Variants in NAV1 observed in about 807,000 individuals in gnomAD.
NAV1 encodes the protein pore membrane and/or filament interacting like protein 3.
Under a neutral mutation model 175.2 loss-of-function variants are expected in NAV1, and 18 were observed. That is an observed-to-expected ratio of 0.10 (90% CI 0.07 to 0.15). NAV1 has a LOEUF of 0.15. Among genes scored for constraint, NAV1 ranks in the 10% least tolerant of loss-of-function variants. The pLI is 1.00. For missense variants in NAV1, 1,731 were observed against 2,436.6 expected (o/e 0.71, Z 6.10); for synonymous variants, 897 against 978.7 (o/e 0.92, Z 1.56).
chr1:201,608,822 G>C (rs1241325140), intron 2 of NAV1, among the ~76,000 whole-genome samples: 1 of 152,224 alleles, frequency 6.6e-6, no homozygotes, highest in Admixed American at 6.5e-5. Context: ...CCACACGAAT[G>C]TGCTGCTGCC....
intron 1 of NAV1, among the ~76,000 whole-genome samples, chr1:201,540,079 G>T (rs12048966): frequency 2.0e-5 from 3 of 152,172 alleles, no homozygotes; most frequent in African/African-American, 4.8e-5. Flanking sequence ...ATAAAAACTG[G>T]TCATAGGATA....
At chr1:201,587,242 T>C (rs657888) in intron 1 of NAV1, among the ~76,000 whole-genome samples, 7,328 of 151,698 alleles carry the variant, frequency 0.048, 417 homozygotes, top group East Asian at 0.16. Flanking sequence ...ATAAGCTTTA[T>C]GTTATGTGTA....
intron 1 of NAV1, among the ~76,000 whole-genome samples, chr1:201,561,817 C>G (rs1027556836): frequency 1.3e-5 from 2 of 152,198 alleles, no homozygotes; most frequent in African/African-American, 4.8e-5. Flanking sequence ...AGCCTGGGAA[C>G]TCCCTGCAGG....
chr1:201,607,871 TG>T (rs1253829380), intron 2 of NAV1, among the ~76,000 whole-genome samples: 11 of 2,284 alleles, frequency 4.8e-3, no homozygotes, highest in African/African-American at 0.011. Context: ...ATAACTTTAT[TG>T]TGTGTGTGTG....
chr1:201,549,497 A>T (rs1004992085), intron 1 of NAV1, among the ~76,000 whole-genome samples: 2 of 152,208 alleles, frequency 1.3e-5, no homozygotes, highest in African/African-American at 4.8e-5. Context: ...GCATGCGCCA[A>T]CGCGCCTGGC....
At chr1:201,630,346 C>T (rs903065607) in intron 2 of NAV1, among the ~76,000 whole-genome samples, 1 of 152,226 alleles carries the variant, frequency 6.6e-6, no homozygotes, top group Non-Finnish European at 1.5e-5. Flanking sequence ...TAATAAATTT[C>T]CTTTTCACAA....
At chr1:201,725,983 A>G (rs975382827) in intron 3 of NAV1, among the ~76,000 whole-genome samples, 1 of 152,248 alleles carries the variant, frequency 6.6e-6, no homozygotes, top group Admixed American at 6.5e-5. Flanking sequence ...AAAAATTAAA[A>G]TAAAATAGAA....
At chr1:201,652,580 G>A (rs1386155862) in intron 1 of NAV1, among the ~76,000 whole-genome samples, 3 of 152,238 alleles carry the variant, frequency 2.0e-5, no homozygotes, top group African/African-American at 7.2e-5. Flanking sequence ...GGGTCTGGGG[G>A]CTAAGCTGGA....
At chr1:201,780,134 C>A (rs1020118176) in intron 3 of NAV1, among the ~76,000 whole-genome samples, 4 of 152,042 alleles carry the variant, frequency 2.6e-5, no homozygotes, top group Non-Finnish European at 5.9e-5. Flanking sequence ...TAGATTGATC[C>A]AAAAATTACC....
At chr1:201,675,014 AGAGT>A (rs1174881809) in intron 1 of NAV1, among the ~76,000 whole-genome samples, 1 of 150,918 alleles carries the variant, frequency 6.6e-6, no homozygotes, top group Non-Finnish European at 1.5e-5. Context: ...CCTGGGCAAC[AGAGT>A]GAGACTCTGT....
intron 15 of NAV1, among the ~76,000 whole-genome samples, chr1:201,802,308 A>C (rs1677961454): frequency 1.4e-5 from 2 of 138,494 alleles, no homozygotes; most frequent in African/African-American, 5.3e-5. Flanking sequence ...ACCTTCTCAA[A>C]AAAAAAAAAA....
intron 1 of NAV1, among the ~76,000 whole-genome samples, chr1:201,560,252 C>G (rs527817567): frequency 6.6e-6 from 1 of 152,288 alleles, no homozygotes; most frequent in South Asian, 2.1e-4. Flanking sequence ...CATTAAGGAT[C>G]TTGGGTGATA....
chr1:201,692,597 T>C (rs1373554626), intron 1 of NAV1, among the ~76,000 whole-genome samples: 1 of 152,342 alleles, frequency 6.6e-6, no homozygotes, highest in East Asian at 1.9e-4. Flanking sequence ...TTCCCCCTGA[T>C]TTGTGTCTGA....
chr1:201,786,042 C>T (rs1290279906), intron 8 of NAV1, among the ~76,000 whole-genome samples: 1 of 152,132 alleles, frequency 6.6e-6, no homozygotes, highest in Non-Finnish European at 1.5e-5. Context: ...ATCCACCCAC[C>T]TCAGCCTCCC....
chr1:201,624,449 TTCTC>T (rs1370926872), intron 1 of NAV1, among the ~76,000 whole-genome samples: 2 of 146,570 alleles, frequency 1.4e-5, no homozygotes, highest in African/African-American at 5.0e-5. Flanking sequence ...GTTCACGCCA[TTCTC>T]CTGCCTCAGC....
Position 201,782,094 on chromosome 1 carries a change from C to A in NAV1, c.1664-82C>A. The stretch of plus-strand genomic sequence containing the variant: ...TACAATACATGGACAATGTTCCCTT[C>A]TCCCATGGAGGGAAAGAAAAGGGTG... On this transcript the variant is annotated intron_variant, in intron 5 of 29. Coordinates refer to ENST00000367296, the Ensembl canonical transcript of NAV1. The surrounding 1 kb of genome is among the most constrained non-coding windows in gnomAD (Gnocchi z 5.4). 2 of 1,235,296 alleles carry A rather than the reference C, an allele frequency of 1.6e-6. No individual in the cohort carries two copies. Among genetic ancestry groups the A allele is most frequent in the Admixed American group, 2.3e-5 (1 of 43,414 alleles). 76.5% of individuals were successfully genotyped at this position (1,235,296 alleles called of 1,614,324 possible). A position where few individuals can be genotyped will look rare whatever the true frequency, so the allele number is the denominator to read the frequency against.
intron 1 of NAV1, among the ~76,000 whole-genome samples, chr1:201,678,321 A>C (rs1670334434): frequency 6.6e-6 from 1 of 152,218 alleles, no homozygotes; most frequent in Non-Finnish European, 1.5e-5. Flanking sequence ...AAAGCTGCTG[A>C]TAGCGCTCCA....
At chr1:201,797,916 C>T (rs1299701128) in intron 15 of NAV1, 2 of 152,196 alleles carry the variant, frequency 1.3e-5, no homozygotes, top group Non-Finnish European at 2.9e-5. Context: ...CCATATCAGT[C>T]TCCTGAGTTC....
intron 1 of NAV1, among the ~76,000 whole-genome samples, chr1:201,560,229 A>G (rs545401055): frequency 1.3e-5 from 2 of 152,322 alleles, no homozygotes; most frequent in South Asian, 2.1e-4. Context: ...CATTTTTTTC[A>G]GGATGTAAAA....
Sources: allele counts gnomAD v4.1 joint callset (sites outside exome capture counted in the v4.1 genomes callset), GRCh38; gene constraint gnomAD v4.1.1; non-coding constraint Gnocchi (gnomAD v3.1); transcripts MANE v1.5; gene names NCBI Gene and HGNC (gene_info 2026-07-23, HGNC 2026-07-21).